Variants in WWC2 observed in about 807,000 individuals in gnomAD.
WWC2 encodes the protein WW and C2 domain containing 2.
In WWC2, 101 loss-of-function variants were observed where a neutral mutation model predicts 138.5. That is an observed-to-expected ratio of 0.73 (90% CI 0.62 to 0.86). The LOEUF (loss-of-function observed/expected upper bound fraction) is 0.86. Among genes scored for constraint, WWC2 ranks in the 40% least tolerant of loss-of-function variants. The probability of loss-of-function intolerance (pLI) is 0.00; values close to 1 mark genes in which losing one functional copy is unlikely to be tolerated. For missense variants in WWC2, 1,420 were observed against 1,419.4 expected (o/e 1.00, Z -0.01); for synonymous variants, 558 against 538.4 (o/e 1.04, Z -0.50).
intron 1 of WWC2, among the ~76,000 whole-genome samples, chr4:183,118,052 C>G (rs571041177): frequency 6.6e-6 from 1 of 152,292 alleles, no homozygotes; most frequent in South Asian, 2.1e-4. Context: ...CCCACCTTGG[C>G]CTCCCAAAGT....
At position 183,246,537 on chromosome 4, in the gene WWC2, A is replaced by G. The variant is rs189538682; in HGVS notation, c.732+992A>G. On this transcript the variant is annotated intron_variant, in intron 6 of 22. Transcript: ENST00000403733. Reference sequence around the variant, plus strand: ...ATAGAAAAGACAAAATAATAATAGCATGTAATTGTAAATACTGACTTTGTG... The same window carrying G: ...ATAGAAAAGACAAAATAATAATAGCGTGTAATTGTAAATACTGACTTTGTG... Among the ~76,000 whole-genome samples, 79 of 152,306 alleles carry G rather than the reference A, an allele frequency of 5.2e-4. 1 individual carries two copies. Among genetic ancestry groups the G allele is most frequent in the Non-Finnish European group, 9.4e-4 (64 of 68,038 alleles).
chr4:183,148,339 C>A (rs967935781), intron 1 of WWC2, among the ~76,000 whole-genome samples: 3 of 152,048 alleles, frequency 2.0e-5, no homozygotes, highest in African/African-American at 7.2e-5. Flanking sequence ...GCTTGTTTAA[C>A]CTTATTTAAA....
At chr4:183,176,849 G>A (rs1480312833) in intron 1 of WWC2, among the ~76,000 whole-genome samples, 4 of 152,088 alleles carry the variant, frequency 2.6e-5, no homozygotes, top group East Asian at 1.9e-4. Flanking sequence ...AAGCAACACC[G>A]GCCTCACACT....
intron 1 of WWC2, among the ~76,000 whole-genome samples, chr4:183,181,675 G>A (rs943792029): frequency 2.0e-5 from 3 of 152,034 alleles, no homozygotes; most frequent in Admixed American, 6.6e-5. Flanking sequence ...TGAGGCTTCC[G>A]GTCAACAGTA....
intron 16 of WWC2, among the ~76,000 whole-genome samples, chr4:183,280,229 GTTTTTTT>G (rs869235261): frequency 1.5e-5 from 1 of 65,430 alleles, no homozygotes; most frequent in Non-Finnish European, 2.7e-5. Context: ...GATAGCAGCT[GTTTTTTT>G]TTTTTTTTTT....
At chr4:183,239,948 G>A (rs1736563874) in intron 4 of WWC2, among the ~76,000 whole-genome samples, 1 of 152,172 alleles carries the variant, frequency 6.6e-6, no homozygotes, top group Non-Finnish European at 1.5e-5. Context: ...TAAGAATGTT[G>A]CTAAGTAAGG....
At chr4:183,116,762 GAATTA>G (rs570424920) in intron 1 of WWC2, among the ~76,000 whole-genome samples, 2 of 152,126 alleles carry the variant, frequency 1.3e-5, no homozygotes, top group Non-Finnish European at 2.9e-5. Flanking sequence ...TTGACTCCTT[GAATTA>G]AACTATTACT....
chr4:183,103,237 T>A (rs1246130410), intron 1 of WWC2, among the ~76,000 whole-genome samples: 2 of 150,072 alleles, frequency 1.3e-5, no homozygotes, highest in Non-Finnish European at 3.0e-5. Context: ...AGGAAGGGGG[T>A]GCCAGCTGGG....
chr4:183,230,622 A>G (rs1313682187), intron 4 of WWC2, among the ~76,000 whole-genome samples: 2 of 152,320 alleles, frequency 1.3e-5, no homozygotes, highest in East Asian at 3.9e-4. Flanking sequence ...GGTTGCAGTG[A>G]GCCGAGATTG....
At chr4:183,170,006 A>T (rs537684067) in intron 1 of WWC2, among the ~76,000 whole-genome samples, 34 of 152,226 alleles carry the variant, frequency 2.2e-4, no homozygotes, top group Non-Finnish European at 4.6e-4. Context: ...GAACAGTATC[A>T]TTCAAAGGAT....
chr4:183,237,146 G>A (rs886982638), intron 4 of WWC2, among the ~76,000 whole-genome samples: 10 of 152,158 alleles, frequency 6.6e-5, no homozygotes, highest in African/African-American at 2.4e-4. Flanking sequence ...GGGCAAGCTT[G>A]TTTTATAGTT....
chr4:183,148,888 A>G (rs1318064694), intron 1 of WWC2, among the ~76,000 whole-genome samples: 2 of 152,066 alleles, frequency 1.3e-5, no homozygotes, highest in Non-Finnish European at 2.9e-5. Context: ...AGGCAGGAGG[A>G]TTGGTTTAGG....
At chr4:183,190,139 C>G (rs938357146) in intron 1 of WWC2, among the ~76,000 whole-genome samples, 11 of 152,170 alleles carry the variant, frequency 7.2e-5, no homozygotes, top group African/African-American at 2.4e-4. Flanking sequence ...CATTAAGACT[C>G]TAGTTAATTT....
At chr4:183,171,558 C>G (rs1030306240) in intron 1 of WWC2, among the ~76,000 whole-genome samples, 4 of 151,994 alleles carry the variant, frequency 2.6e-5, no homozygotes, top group African/African-American at 9.7e-5. Context: ...GGTAGGGAAA[C>G]TTTTCTGACT....
intron 4 of WWC2, among the ~76,000 whole-genome samples, chr4:183,237,778 G>A (rs1042830682): frequency 2.6e-5 from 4 of 152,140 alleles, no homozygotes; most frequent in African/African-American, 9.7e-5. Flanking sequence ...GCAAACATGA[G>A]TATTACACCG....
At chr4:183,237,913 G>A (rs1027802877) in intron 4 of WWC2, among the ~76,000 whole-genome samples, 5 of 151,594 alleles carry the variant, frequency 3.3e-5, no homozygotes, top group African/African-American at 9.7e-5. Flanking sequence ...AGTGTATTTT[G>A]TCTCTGTCTC....
chr4:183,113,515 T>TGTGTGTGTGTGTGTGTGC (rs371819502), intron 1 of WWC2, among the ~76,000 whole-genome samples: 2 of 126,644 alleles, frequency 1.6e-5, no homozygotes, highest in East Asian at 2.7e-4. Context: ...TGTGTGTGTG[T>TGTGTGTGTGTGTGTGTGC]GCGCGCGCGT....
chr4:183,208,020 C>T lies in WWC2; in HGVS notation c.309C>T (p.Tyr103=). 1 of 1,613,810 alleles carries T rather than the reference C, an allele frequency of 6.2e-7. No homozygotes were observed. The highest frequency in any genetic ancestry group is 8.5e-7 in the Non-Finnish European group (1 of 1,179,786). The change falls in exon 3 of 23, where the codon TAC becomes TAT. Residue 103 remains tyrosine (Y), a synonymous_variant. Transcript: ENST00000403733. ...RGEQEKMLKD[Y]LSVAQDALRT... ...AACAGGAGAAGATGCTCAAGGACTA[C>T]CTCTCTGTGGCACAGGATGCCCTCC...
In WWC2 at chr4:183,253,827, A is replaced by G. The variant is rs140759119; in HGVS notation, c.1024A>G (p.Lys342Glu). The change falls in exon 9 of 23, where the codon AAG becomes GAG. Residue 342 changes from lysine to glutamate, a missense_variant. Transcript: ENST00000403733. Reference sequence around the variant, plus strand: ...CTGGCCTGGGGCACTGGATATTGAGAAGGAAAAACTGATGCTGATTAATGA... The same window carrying G: ...CTGGCCTGGGGCACTGGATATTGAGGAGGAAAAACTGATGCTGATTAATGA... ...EAWPGALDIEKEKLMLINEKE... is the reference protein window; with the variant it reads ...EAWPGALDIEEEKLMLINEKE... 6.2e-7 allele frequency: 1 copy of G among 1,613,758 alleles called. No homozygotes were observed. Among genetic ancestry groups the G allele is most frequent in the East Asian group, 2.2e-5 (1 of 44,872 alleles).
Sources: allele counts gnomAD v4.1 joint callset (sites outside exome capture counted in the v4.1 genomes callset), GRCh38; gene constraint gnomAD v4.1.1; transcripts MANE v1.5; gene names NCBI Gene and HGNC (gene_info 2026-07-23, HGNC 2026-07-21).